Variants in PTPRK observed in about 807,000 individuals in gnomAD.
PTPRK encodes the protein receptor-type tyrosine-protein phosphatase kappa.
A neutral mutation model predicts 178.0 loss-of-function variants in PTPRK; 75 were observed. That is an observed-to-expected ratio of 0.42 (90% CI 0.35 to 0.51). The LOEUF (loss-of-function observed/expected upper bound fraction) is 0.51. Among genes scored for constraint, PTPRK ranks in the 20% least tolerant of loss-of-function variants. The pLI, the probability that PTPRK is intolerant of heterozygous loss-of-function variation, is 0.02. For missense variants in PTPRK, 1,441 were observed against 1,797.8 expected (o/e 0.80, Z 3.59); for synonymous variants, 637 against 620.6 (o/e 1.03, Z -0.39).
At chr6:128,210,368 G>A (rs1336038568) in intron 6 of PTPRK, among the ~76,000 whole-genome samples, 1 of 119,862 alleles carries the variant, frequency 8.3e-6, no homozygotes, top group African/African-American at 2.8e-5. Flanking sequence ...AACTCCGGAG[G>A]AAAAAAAAAA....
At chr6:128,408,547 A>G (rs906770400) in intron 1 of PTPRK, among the ~76,000 whole-genome samples, 3 of 152,254 alleles carry the variant, frequency 2.0e-5, no homozygotes, top group East Asian at 1.9e-4. Flanking sequence ...AGTATTGATC[A>G]TAGAGGAGAT....
chr6:128,290,852 C>T (rs780910586), intron 3 of PTPRK, among the ~76,000 whole-genome samples: 21 of 152,048 alleles, frequency 1.4e-4, no homozygotes, highest in Non-Finnish European at 1.9e-4. Context: ...TCAGATAACA[C>T]TTATTGAATT....
At chr6:128,134,162 A>G (rs1794675879) in intron 7 of PTPRK, among the ~76,000 whole-genome samples, 3 of 152,220 alleles carry the variant, frequency 2.0e-5, no homozygotes, top group Admixed American at 2.0e-4. Context: ...AAATGCAACT[A>G]TATAATACAA....
At chr6:128,397,455 A>G (rs1840464565) in intron 2 of PTPRK, 111 bp downstream of exon 2, 2 of 1,357,570 alleles carry the variant, frequency 1.5e-6, no homozygotes. Context: ...CAGTAGCACA[A>G]TAATTTAGCT....
chr6:128,111,774 A>T (rs981899603), intron 7 of PTPRK, among the ~76,000 whole-genome samples: 1 of 151,966 alleles, frequency 6.6e-6, no homozygotes, highest in South Asian at 2.1e-4. Context: ...GCTCAGTTAG[A>T]TGCCTTTATA....
intron 3 of PTPRK, among the ~76,000 whole-genome samples, chr6:128,246,190 G>T (rs1300377549): frequency 6.6e-6 from 1 of 152,062 alleles, no homozygotes; most frequent in African/African-American, 2.4e-5. Context: ...TGAAAACAAT[G>T]ACATTCTAAT....
intron 5 of PTPRK, among the ~76,000 whole-genome samples, chr6:128,231,104 T>C (rs1214954673): frequency 6.6e-6 from 1 of 152,202 alleles, no homozygotes; most frequent in Non-Finnish European, 1.5e-5. Flanking sequence ...TTTCTGATGC[T>C]CATCATTACA....
chr6:128,067,757 T>C lies in PTPRK; in HGVS notation c.1919A>G (p.His640Arg). 1 of 1,611,558 alleles carries C rather than the reference T, an allele frequency of 6.2e-7. No individual in the cohort carries two copies. The highest frequency in any genetic ancestry group is 8.5e-7 in the Non-Finnish European group (1 of 1,178,608). ...YQIVVEELHP[H>R]RTKREAGAME... ...GGCTCCGGCTTCTCTCTTGGTTCGG[T>C]GTGGGTGCAGTTCTTCCACAACAAT... The change falls in exon 12 of 30, where the codon CAC (histidine) becomes CGC (arginine). Residue 640 changes from histidine to arginine, a missense_variant. His to Arg is a conservative substitution (Grantham distance 29, BLOSUM62 0). Around this residue, in one of 4 missense-constraint regions of PTPRK, gnomAD observed 945 missense variants for 1,080.6 expected, o/e 0.87. Coordinates refer to ENST00000368226, the MANE Select transcript of PTPRK (RefSeq NM_002844.4).
intron 1 of PTPRK, among the ~76,000 whole-genome samples, chr6:128,439,960 A>G (rs932136144): frequency 2.0e-5 from 3 of 152,224 alleles, no homozygotes; most frequent in African/African-American, 7.2e-5. Context: ...GAAAATATTC[A>G]AAGTACCACT....
chr6:128,056,467 C>T (rs1033680506), intron 13 of PTPRK, among the ~76,000 whole-genome samples: 7 of 151,682 alleles, frequency 4.6e-5, no homozygotes, highest in South Asian at 2.1e-4. Context: ...CACTATCTCC[C>T]GGGCTGGAGT....
chr6:128,048,074 A>T lies in PTPRK; in HGVS notation c.2194+16684T>A, dbSNP rs565109897. ...AAGGAAAACATTTCTTTGAAGTCCT[A>T]CGTTCTAAGAAGATGTAGCCTTAGA... On this transcript the variant is annotated intron_variant, in intron 13 of 29. Coordinates refer to ENST00000368226, the MANE Select transcript of PTPRK (RefSeq NM_002844.4). Among the ~76,000 whole-genome samples, 147 of 152,316 alleles carry T rather than the reference A, an allele frequency of 9.7e-4. 1 individual carries two copies. In the Middle Eastern group the frequency reaches 0.01, roughly 11 times the overall value.
intron 1 of PTPRK, among the ~76,000 whole-genome samples, chr6:128,407,327 T>A (rs1841775616): frequency 6.6e-6 from 1 of 152,082 alleles, no homozygotes; most frequent in African/African-American, 2.4e-5. Context: ...CTTGAAATAT[T>A]CTGATCTCAT....
chr6:128,484,231 TAC>T (rs1852503019), intron 1 of PTPRK, among the ~76,000 whole-genome samples: 2 of 152,184 alleles, frequency 1.3e-5, no homozygotes, highest in Admixed American at 6.5e-5. Context: ...CAGACTAAAG[TAC>T]AGTGATCTTT....
At chr6:128,292,617 T>C (rs1411262762) in intron 3 of PTPRK, among the ~76,000 whole-genome samples, 1 of 152,064 alleles carries the variant, frequency 6.6e-6, no homozygotes, top group Non-Finnish European at 1.5e-5. Flanking sequence ...ATATGTGTTA[T>C]TTTCTCTGTC....
At position 128,160,387 on chromosome 6, in the gene PTPRK, T is replaced by C. The variant is rs186734702; in HGVS notation, c.1162+24045A>G. Among the ~76,000 whole-genome samples the C allele has an allele frequency of 1.4e-3, 208 of 151,834 alleles. 1 individual carries two copies. The highest frequency in any genetic ancestry group is 4.9e-3 in the African/African-American group (204 of 41,508). ...CTAAAATGGCTGGTATGGATGATAA[T>C]GAACAAAAGTTTCAAAAACACGAGA... On this transcript the variant is annotated intron_variant, in intron 7 of 29. Transcript: ENST00000368226.
chr6:128,136,478 A>AG (rs1795031862), intron 7 of PTPRK, among the ~76,000 whole-genome samples: 1 of 152,028 alleles, frequency 6.6e-6, no homozygotes, highest in Non-Finnish European at 1.5e-5. Context: ...TTAGGCTCTT[A>AG]CTTTTGATTC....
At chr6:128,103,382 A>G (rs1164213041) in intron 7 of PTPRK, among the ~76,000 whole-genome samples, 4 of 152,132 alleles carry the variant, frequency 2.6e-5, no homozygotes, top group Non-Finnish European at 4.4e-5. Context: ...GAAGGCACTG[A>G]GCTGATTAAC....
intron 7 of PTPRK, among the ~76,000 whole-genome samples, chr6:128,163,370 G>A (rs1214059640): frequency 6.6e-6 from 1 of 151,128 alleles, no homozygotes; most frequent in African/African-American, 2.4e-5. Flanking sequence ...AAAACATTAA[G>A]GCTAATCTTC....
intron 29 of PTPRK, among the ~76,000 whole-genome samples, chr6:127,971,359 T>C (rs2114598406): frequency 6.6e-6 from 1 of 152,328 alleles, no homozygotes; most frequent in Middle Eastern, 3.4e-3. Flanking sequence ...GAATAGAAGT[T>C]CGAGGTGTCT....
Sources: gnomAD v4.1 joint callset for allele counts (sites outside exome capture counted in the v4.1 genomes callset) on GRCh38, gnomAD v4.1.1 for gene constraint, gnomAD v4.1.1 regional missense constraint, MANE v1.5 for transcripts, NCBI Gene and HGNC (gene_info 2026-07-23, HGNC 2026-07-21) for gene names.